Variants in SPATS2L observed in about 807,000 individuals in gnomAD.
The protein encoded by SPATS2L is SPATS2-like protein.
SPATS2L carries 30 observed loss-of-function variants against 59.6 expected under a neutral mutation model. That is an observed-to-expected ratio of 0.50 (90% CI 0.38 to 0.68). SPATS2L has a LOEUF of 0.68. Among genes scored for constraint, SPATS2L ranks in the 30% least tolerant of loss-of-function variants. SPATS2L has a pLI of 0.00. For missense variants in SPATS2L, 615 were observed against 700.0 expected (o/e 0.88, Z 1.37); for synonymous variants, 252 against 263.5 (o/e 0.96, Z 0.42).
intron 2 of SPATS2L, among the ~76,000 whole-genome samples, chr2:200,361,536 A>G (rs1217250974): frequency 6.6e-6 from 1 of 152,248 alleles, no homozygotes; most frequent in African/African-American, 2.4e-5. Context: ...CTAAGAGAAT[A>G]CATTTCTCCA....
At chr2:200,372,791 C>T (rs1000751298) in intron 2 of SPATS2L, among the ~76,000 whole-genome samples, 11 of 152,120 alleles carry the variant, frequency 7.2e-5, no homozygotes, top group African/African-American at 2.7e-4. Flanking sequence ...AACATATAAG[C>T]CTTAGTTCCC....
intron 10 of SPATS2L, 137 bp downstream of exon 10, chr2:200,467,536 G>A: frequency 1.6e-6 from 1 of 633,630 alleles, no homozygotes; most frequent in Admixed American, 2.8e-5. Context: ...TGGAAATAGA[G>A]AACACAGAAG....
At chr2:200,393,196 G>T (rs1458741614) in intron 3 of SPATS2L, 12 of 456,572 alleles carry the variant, frequency 2.6e-5, no homozygotes, top group Non-Finnish European at 3.1e-5. Flanking sequence ...TTGGACCATG[G>T]AAAGGAAAAG....
intron 12 of SPATS2L, 132 bp downstream of exon 12, chr2:200,473,184 A>C: frequency 1.2e-6 from 1 of 833,232 alleles, no homozygotes; most frequent in Non-Finnish European, 1.8e-6. Flanking sequence ...GCCCTCACCC[A>C]CTCCCCACCC....
chr2:200,432,321 G>A (rs1277158167), intron 6 of SPATS2L, among the ~76,000 whole-genome samples: 1 of 152,192 alleles, frequency 6.6e-6, no homozygotes, highest in Non-Finnish European at 1.5e-5. Context: ...GTCAGCACAT[G>A]GGATGGAAGG....
At chr2:200,336,385 C>A (rs2080143110) in intron 2 of SPATS2L, among the ~76,000 whole-genome samples, 1 of 151,850 alleles carries the variant, frequency 6.6e-6, no homozygotes, top group African/African-American at 2.4e-5. Context: ...CATATTAATA[C>A]AATAATACAT....
At chr2:200,379,508 C>T (rs558957212) in intron 2 of SPATS2L, among the ~76,000 whole-genome samples, 8 of 152,222 alleles carry the variant, frequency 5.3e-5, no homozygotes, top group African/African-American at 1.7e-4. Context: ...AAAACATTGC[C>T]CTTTCTGTAG....
intron 6 of SPATS2L, among the ~76,000 whole-genome samples, chr2:200,422,102 C>T (rs914466924): frequency 6.6e-6 from 1 of 152,202 alleles, no homozygotes; most frequent in Admixed American, 6.5e-5. Context: ...ATGAAACTTT[C>T]TGTGAAGAAT....
intron 11 of SPATS2L, among the ~76,000 whole-genome samples, chr2:200,471,683 C>G (rs1028067639): frequency 6.6e-6 from 1 of 152,146 alleles, no homozygotes; most frequent in Non-Finnish European, 1.5e-5. Context: ...AGCATAGGAG[C>G]CACGGAAATC....
intron 6 of SPATS2L, among the ~76,000 whole-genome samples, chr2:200,429,482 C>T (rs2083777902): frequency 6.6e-6 from 1 of 152,122 alleles, no homozygotes. Context: ...GGTGAAGAAA[C>T]TTGTCAAAGG....
At position 200,322,136 on chromosome 2, in the gene SPATS2L, T is replaced by C. The variant is rs548884076; in HGVS notation, c.-72-7295T>C. 1.1e-4 allele frequency among the ~76,000 whole-genome samples: 17 copies of C among 152,314 alleles called. No individual in the cohort carries two copies. In the South Asian group the frequency reaches 2.5e-3, roughly 22 times the overall value. ...TACCTCTTGCGTGTGTGTATTCTTA[T>C]ATGTTTTGGAATCAAGCCTCATTAA... On this transcript the variant is annotated intron_variant, in intron 1 of 12. Transcript: ENST00000409140.
At chr2:200,317,408 G>A (rs2105762273) in intron 1 of SPATS2L, among the ~76,000 whole-genome samples, 1 of 152,254 alleles carries the variant, frequency 6.6e-6, no homozygotes, top group Admixed American at 6.5e-5. Flanking sequence ...CTGGCACCAG[G>A]GCCTAAAATG....
At chr2:200,323,938 G>A (rs1174824665) in intron 1 of SPATS2L, among the ~76,000 whole-genome samples, 1 of 152,144 alleles carries the variant, frequency 6.6e-6, no homozygotes, top group African/African-American at 2.4e-5. Flanking sequence ...CGGGAATTTG[G>A]GAACTTTGAC....
rs145055130 is a variant in SPATS2L, at chr2:200,397,844, C to A, written c.39+8561C>A. On this transcript the variant is annotated intron_variant, in intron 3 of 12. Coordinates refer to ENST00000409140, the MANE Select transcript of SPATS2L (RefSeq NM_001100423.2). Reference sequence around the variant, plus strand: ...ATAGGTATAATTAGAAAAAAAAACCCACATATTTGTTTTCTTTTGAGTCAT... The same window carrying A: ...ATAGGTATAATTAGAAAAAAAAACCAACATATTTGTTTTCTTTTGAGTCAT... Among the ~76,000 whole-genome samples, 791 of 151,980 alleles carry A rather than the reference C, an allele frequency of 5.2e-3. 4 individuals are homozygous for A. Among genetic ancestry groups the A allele is most frequent in the African/African-American group, 0.018 (736 of 41,448 alleles).
rs184791765 is a variant in SPATS2L at position 200,475,106 on chromosome 2, G to A, written c.1281+2054G>A. On this transcript the variant is annotated intron_variant, in intron 12 of 12. Coordinates refer to ENST00000409140, the MANE Select transcript of SPATS2L (RefSeq NM_001100423.2). Reference sequence around the variant, plus strand: ...TCACACCCATCCGCTGGAAGGGTGGGAGTGGAGGCGATGCTTAGGTGTGCA... The same window carrying A: ...TCACACCCATCCGCTGGAAGGGTGGAAGTGGAGGCGATGCTTAGGTGTGCA... Among the ~76,000 whole-genome samples the A allele has an allele frequency of 3.9e-3, 588 of 152,318 alleles. 5 individuals are homozygous for A. Among genetic ancestry groups the A allele is most frequent in the Non-Finnish European group, 3.3e-3 (225 of 68,024 alleles).
chr2:200,446,816 T>C (rs559650832), intron 8 of SPATS2L, among the ~76,000 whole-genome samples: 1 of 152,328 alleles, frequency 6.6e-6, no homozygotes, highest in South Asian at 2.1e-4. Flanking sequence ...AGAAACACTA[T>C]ATTTGTCTTC....
At chr2:200,475,243 A>G (rs537060522) in intron 12 of SPATS2L, among the ~76,000 whole-genome samples, 1 of 152,210 alleles carries the variant, frequency 6.6e-6, no homozygotes, top group Non-Finnish European at 1.5e-5. Context: ...AAAATCTGAG[A>G]CAGGTCTCAG....
chr2:200,471,859 G>A (rs970193976), intron 11 of SPATS2L, among the ~76,000 whole-genome samples: 2 of 152,206 alleles, frequency 1.3e-5, no homozygotes, highest in African/African-American at 4.8e-5. Context: ...CCAACAAAGA[G>A]AGCAGACAAA....
At chr2:200,307,682 A>G (rs1405949070) in intron 1 of SPATS2L, among the ~76,000 whole-genome samples, 2 of 152,184 alleles carry the variant, frequency 1.3e-5, no homozygotes, top group Non-Finnish European at 2.9e-5. Flanking sequence ...GCTGCCGCAC[A>G]CGCGGGGCTG....
Sources: gnomAD v4.1 joint callset for allele counts (sites outside exome capture counted in the v4.1 genomes callset) on GRCh38, gnomAD v4.1.1 for gene constraint, MANE v1.5 for transcripts, NCBI Gene and HGNC (gene_info 2026-07-23, HGNC 2026-07-21) for gene names.